DCD: variants seen among roughly 807,000 people sequenced by gnomAD.
DCD encodes the protein diffusible survival/evasion peptide.
A neutral mutation model predicts 14.5 loss-of-function variants in DCD; 17 were observed. That is an observed-to-expected ratio of 1.18 (90% CI 0.81 to 1.76). The LOEUF is 1.76. DCD is among the 40% of genes most tolerant of loss of function. The pLI is 0.00. For synonymous variants in DCD, 64 were observed against 54.0 expected (o/e 1.19, Z -0.82); for missense variants, 139 against 133.4 (o/e 1.04, Z -0.21).
chr12:54,648,242 T>A lies in DCD; in HGVS notation c.58+4A>T. The A allele has an allele frequency of 6.2e-7, 1 of 1,613,618 alleles. No homozygotes were observed. The highest frequency in any genetic ancestry group is 8.5e-7 in the Non-Finnish European group (1 of 1,179,908). On this transcript the variant is annotated splice_donor_region_variant and intron_variant, in intron 1 of 4. Transcript: ENST00000293371. Reference sequence around the variant, plus strand: ...GTTGGGTGTCGGGGAAGAGCCATACTCACAGGCACAGACCAGGGCTCCTGC... The same window carrying A: ...GTTGGGTGTCGGGGAAGAGCCATACACACAGGCACAGACCAGGGCTCCTGC...
At chr12:54,645,850 T>C in intron 2 of DCD, 143 bp from the exon 3 acceptor site, 3 of 666,886 alleles carry the variant, frequency 4.5e-6, no homozygotes, top group South Asian at 1.8e-5. Context: ...TTGACTTTCA[T>C]GATGTGTTAG....
At chr12:54,647,276 C>T in intron 1 of DCD, 117 bp from the exon 2 acceptor site, 1 of 991,032 alleles carries the variant, frequency 1.0e-6, no homozygotes, top group Non-Finnish European at 1.5e-6. Context: ...AGTGGACAGA[C>T]AGGAGAGAAA....
At position 54,645,583 on chromosome 12, in the gene DCD, C is replaced by G; in HGVS notation, c.199+23G>C. ...TGTTTCATGCATCAGAATTCTATACCAGGCATTGGGAAAGAGGCTTACCCA... is the reference window on the plus strand; with the variant it reads ...TGTTTCATGCATCAGAATTCTATACGAGGCATTGGGAAAGAGGCTTACCCA... On this transcript the variant is annotated intron_variant, in intron 3 of 4. Coordinates refer to ENST00000293371, the MANE Select transcript of DCD (RefSeq NM_053283.4). The G allele has an allele frequency of 2.5e-6, 4 of 1,599,858 alleles. No homozygotes were observed. The South Asian group carries it at 4.4e-5, about 18-fold the overall frequency.
At chr12:54,646,771 C>A (rs1355943317) in intron 2 of DCD, among the ~76,000 whole-genome samples, 1 of 152,104 alleles carries the variant, frequency 6.6e-6, no homozygotes, top group Non-Finnish European at 1.5e-5. Context: ...AAATGGGAAA[C>A]CACGTGAAAG....
intron 3 of DCD, 109 bp downstream of exon 3, chr12:54,645,497 G>A (rs1958252040): frequency 9.8e-7 from 1 of 1,023,470 alleles, no homozygotes; most frequent in African/African-American, 1.6e-5. Flanking sequence ...CTAGGAATAT[G>A]GGTGTAGCTG....
At position 54,645,231 on chromosome 12, in the gene DCD, C is replaced by A. The variant is rs760094128; in HGVS notation, c.231G>T (p.Val77=). The A allele has an allele frequency of 3.1e-5, 50 of 1,613,942 alleles. No homozygotes were observed. The highest frequency in any genetic ancestry group is 1.6e-4 in the Middle Eastern group (1 of 6,084). ...EKGLDGAKKA[V]GGLGKLGKDA... ...CTTTTCCTAGTTTTCCGAGTCCCCCCACAGCTTTTTTTGCTCCGTCTAGGC... is the reference window on the plus strand; with the variant it reads ...CTTTTCCTAGTTTTCCGAGTCCCCCAACAGCTTTTTTTGCTCCGTCTAGGC... Residue 77 remains valine (V), a synonymous_variant, in exon 4 of 5, where the codon GTG becomes GTT. Coordinates refer to ENST00000293371, the MANE Select transcript of DCD (RefSeq NM_053283.4).
At position 54,645,697 on chromosome 12, in the gene DCD, T is replaced by A. The variant is rs776130242; in HGVS notation, c.108A>T (p.Glu36Asp). 4 of 1,613,900 alleles carry A rather than the reference T, an allele frequency of 2.5e-6. No homozygotes were observed. In the African/African-American group the frequency reaches 4.0e-5, roughly 16 times the overall value. ...CATTTTCCTTTTGAGCTGCTGATGCTTCATGGCAAGCTGCAAGGGTAAGGG... is the reference window on the plus strand; with the variant it reads ...CATTTTCCTTTTGAGCTGCTGATGCATCATGGCAAGCTGCAAGGGTAAGGG... ...SAPGSGNPCH[E>D]ASAAQKENAG... The change falls in exon 3 of 5, where the codon GAA becomes GAT. Residue 36 changes from glutamate to aspartate, a missense_variant. Transcript: ENST00000293371.
chr12:54,644,790 G>A (rs774594952), intron 4 of DCD, 34 bp from the exon 5 acceptor site: 4 of 1,590,428 alleles, frequency 2.5e-6, no homozygotes, highest in African/African-American at 1.3e-5. Flanking sequence ...GGGGTAAAGG[G>A]GTAGGAAGAA....
chr12:54,648,210 CT>C, intron 1 of DCD, 35 bp downstream of exon 1: 1 of 1,611,156 alleles, frequency 6.2e-7, no homozygotes, highest in African/African-American at 1.3e-5. Flanking sequence ...CTTCAGGGGA[CT>C]ATATGGTTGG....
rs149629565 is a variant in DCD, at chr12:54,647,595, C to T, written c.59-436G>A. ...TTCTTCCAAAAGCATGAATGAAGCA[C>T]GCATTATGCACCAGACATGGTGTTA... is the stretch of plus-strand genomic sequence containing the variant. On this transcript the variant is annotated intron_variant, in intron 1 of 4. Transcript: ENST00000293371. 1.2e-4 allele frequency among the ~76,000 whole-genome samples: 19 copies of T among 152,256 alleles called. No individual in the cohort carries two copies. The East Asian group carries it at 2.5e-3, about 20-fold the overall frequency.
intron 4 of DCD, 188 bp from the exon 5 acceptor site, chr12:54,644,944 C>T (rs746757901): frequency 3.2e-6 from 5 of 1,549,174 alleles, no homozygotes; most frequent in African/African-American, 1.4e-5. Flanking sequence ...CCTCTCTTCC[C>T]CACCTTGGCA....
rs770546877 is a variant in DCD, at chr12:54,647,114, G to A, written c.97+7C>T. 6 of 1,556,944 alleles carry A rather than the reference G, an allele frequency of 3.9e-6. No individual in the cohort carries two copies. In the East Asian group the frequency reaches 1.4e-4, roughly 37 times the overall value. On this transcript the variant is annotated splice_region_variant and intron_variant, in intron 2 of 4. Transcript: ENST00000293371. ...GGACTGGGGCAGGAGGAAGAGAAAGGACTCACGGTTCCCCGATCCTGGGGC... is the reference window on the plus strand; with the variant it reads ...GGACTGGGGCAGGAGGAAGAGAAAGAACTCACGGTTCCCCGATCCTGGGGC...
In DCD at chr12:54,645,184, C is replaced by G. The variant is rs758669768; in HGVS notation, c.278G>C (p.Ser93Thr). Residue 93 changes from serine to threonine, a missense_variant, in exon 4 of 5, where the codon AGC becomes ACC. Transcript: ENST00000293371. ...GGACATATACTCACCTTTACCCACG[C>G]TTTCTAGATCTTCGACTGCATCTTT... is the stretch of plus-strand genomic sequence containing the variant. The part of the protein sequence containing the change: ...LGKDAVEDLE[S>T]VGKGAVHDVK... 1 of 1,614,114 alleles carries G rather than the reference C, an allele frequency of 6.2e-7. No individual in the cohort carries two copies. The highest frequency in any genetic ancestry group is 1.3e-5 in the African/African-American group (1 of 75,002).
At position 54,645,596 on chromosome 12, in the gene DCD, A is replaced by G. The variant is rs1958252984; in HGVS notation, c.199+10T>C. The G allele has an allele frequency of 6.2e-7, 1 of 1,612,744 alleles. No homozygotes were observed. Among genetic ancestry groups the G allele is most frequent in the Non-Finnish European group, 8.5e-7 (1 of 1,178,858 alleles). Reference sequence around the variant, plus strand: ...AGAATTCTATACCAGGCATTGGGAAAGAGGCTTACCCAGAAGGCTGGATCT... The same window carrying G: ...AGAATTCTATACCAGGCATTGGGAAGGAGGCTTACCCAGAAGGCTGGATCT... On this transcript the variant is annotated intron_variant, in intron 3 of 4. Coordinates refer to ENST00000293371, the MANE Select transcript of DCD (RefSeq NM_053283.4).
At chr12:54,646,565 G>A (rs1463306162) in intron 2 of DCD, among the ~76,000 whole-genome samples, 1 of 152,144 alleles carries the variant, frequency 6.6e-6, no homozygotes, top group Non-Finnish European at 1.5e-5. Context: ...GGACAGGTAG[G>A]GGTTGAAAAG....
At chr12:54,647,000 G>T in intron 2 of DCD, 121 bp downstream of exon 2, 1 of 939,602 alleles carries the variant, frequency 1.1e-6, no homozygotes, top group Non-Finnish European at 1.6e-6. Context: ...TCTCCTAAAA[G>T]TCGGCCTCCC....
intron 1 of DCD, 28 bp downstream of exon 1, chr12:54,648,218 T>G (rs1958277303): frequency 6.2e-7 from 1 of 1,612,092 alleles, no homozygotes. Context: ...GACTATATGG[T>G]TGGGTGTCGG....
In DCD at chr12:54,645,888, C is replaced by T. The variant is rs895435357; in HGVS notation, c.98-181G>A. On this transcript the variant is annotated intron_variant, in intron 2 of 4. Coordinates refer to ENST00000293371, the MANE Select transcript of DCD (RefSeq NM_053283.4). ...TCTTTAGCATCCCTCAAGCTTTTTC[C>T]TGCTGCCTCCAAGACTTTTCCTGCT... The T allele has an allele frequency of 1.9e-5, 11 of 593,992 alleles. No homozygotes were observed. The Admixed American group carries it at 2.7e-4, about 14-fold the overall frequency. The allele number at this position is 593,992 out of a possible 1,614,324, so 36.8% of individuals were successfully genotyped here. A position where few individuals can be genotyped will look rare whatever the true frequency, so the allele number is the denominator to read the frequency against.
chr12:54,645,166 T>A lies in DCD; in HGVS notation c.289+7A>T, dbSNP rs369443240. 1.2e-6 allele frequency: 2 copies of A among 1,613,668 alleles called. No homozygotes were observed. The highest frequency in any genetic ancestry group is 1.7e-6 in the Non-Finnish European group (2 of 1,179,754). ...GTCCTGAGGGAGGAGTGGGGACATA[T>A]ACTCACCTTTACCCACGCTTTCTAG... On this transcript the variant is annotated splice_region_variant and intron_variant, in intron 4 of 4. Coordinates refer to ENST00000293371, the MANE Select transcript of DCD (RefSeq NM_053283.4).
Sources: gnomAD v4.1 joint callset for allele counts (sites outside exome capture counted in the v4.1 genomes callset) on GRCh38, gnomAD v4.1.1 for gene constraint, MANE v1.5 for transcripts, NCBI Gene and HGNC (gene_info 2026-07-23, HGNC 2026-07-21) for gene names.